Variants in ZSCAN1 observed in about 807,000 individuals in gnomAD.
ZSCAN1 encodes zinc finger and SCAN domain containing 1.
A neutral mutation model predicts 23.8 loss-of-function variants in ZSCAN1; 23 were observed. The observed-to-expected ratio is 0.97, with a 90% CI of 0.70 to 1.37. The LOEUF (loss-of-function observed/expected upper bound fraction) is 1.37. Among genes scored for constraint, ZSCAN1 ranks in the 40% most tolerant of loss-of-function variants. The probability of loss-of-function intolerance (pLI) is 0.00; values close to 1 mark genes in which losing one functional copy is unlikely to be tolerated. For missense variants in ZSCAN1, 575 were observed against 554.0 expected, an observed-to-expected ratio of 1.04 and a Z score of -0.38; for synonymous variants, 236 against 232.3, an observed-to-expected ratio of 1.02 and a Z score of -0.15.
chr19:58,045,354 C>A lies in ZSCAN1; in HGVS notation c.465+4810C>A. On this transcript the variant is annotated intron_variant, in intron 4 of 5. Transcript: ENST00000282326. The surrounding 1 kb of genome is among the most constrained non-coding windows in gnomAD (Gnocchi z 4.3). ...GAGGCTGAAGGAGCTTCAGGTCAAG[C>A]TGGAGCTAGCCGAGTTCCTCCAGGA... 1 of 816,148 alleles carries A rather than the reference C, an allele frequency of 1.2e-6. No homozygotes were observed. Among genetic ancestry groups the A allele is most frequent in the Non-Finnish European group, 2.2e-6 (1 of 450,874 alleles). 50.6% of individuals were successfully genotyped at this position (816,148 alleles called of 1,614,324 possible). A position where few individuals can be genotyped will look rare whatever the true frequency, so the allele number is the denominator to read the frequency against.
At chr19:58,044,483 C>A in intron 4 of ZSCAN1, 1 of 379,674 alleles carries the variant, frequency 2.6e-6, no homozygotes, top group Admixed American at 4.9e-5. Context: ...ACCGTCCGCA[C>A]GGACGGCGCC....
At chr19:58,041,408 AAC>A (rs2073788702) in intron 4 of ZSCAN1, among the ~76,000 whole-genome samples, 1 of 152,182 alleles carries the variant, frequency 6.6e-6, no homozygotes. Context: ...CACATTGGGA[AAC>A]AGAGACCTCC....
chr19:58,046,011 G>A (rs2073822849), intron 4 of ZSCAN1: 1 of 704,254 alleles, frequency 1.4e-6, no homozygotes, highest in Non-Finnish European at 2.6e-6. Context: ...ACCGCGAGAA[G>A]GAGCTGCAGA....
intron 4 of ZSCAN1, chr19:58,046,271 AGCT>A: frequency 1.3e-6 from 1 of 782,980 alleles, no homozygotes; most frequent in Non-Finnish European, 2.4e-6. Flanking sequence ...GAGGAGCTGG[AGCT>A]GCTGAAGGAG....
rs371328349 is a variant in ZSCAN1 at position 58,054,064 on chromosome 19, G to A, written c.*13G>A. 43 of 1,482,356 alleles carry A rather than the reference G, an allele frequency of 2.9e-5. No individual in the cohort carries two copies. The African/African-American group carries it at 5.5e-4, about 19-fold the overall frequency. The allele number at this position is 1,482,356 out of a possible 1,614,324, so 91.8% of individuals were successfully genotyped here. A position where few individuals can be genotyped will look rare whatever the true frequency, so the allele number is the denominator to read the frequency against. On this transcript the variant is annotated 3_prime_UTR_variant, in exon 6 of 6. Transcript: ENST00000282326. This position sits in a 1 kb window ranked among gnomAD's most constrained non-coding sequence, Gnocchi z 4.2. ...CGGCCACATGTGAATGGCCAGCCTC[G>A]GGCCTCGGCCACCCGGCCCTGAGTC...
intron 4 of ZSCAN1, chr19:58,046,145 C>T: frequency 1.4e-6 from 1 of 716,926 alleles, no homozygotes; most frequent in Non-Finnish European, 2.6e-6. Context: ...ATGAAGGACA[C>T]TGCCCCCGTG....
At chr19:58,044,601 T>C (rs1443428226) in intron 4 of ZSCAN1, 1 of 1,017,982 alleles carries the variant, frequency 9.8e-7, no homozygotes, top group Non-Finnish European at 1.5e-6. Context: ...GCGTCCATCT[T>C]AATGAGGAGC....
rs574436368 is a variant in ZSCAN1 at position 58,039,133 on chromosome 19, G to A, written c.370+927G>A. Among the ~76,000 whole-genome samples the A allele has an allele frequency of 6.6e-5, 10 of 152,334 alleles. No homozygotes were observed. The South Asian group carries it at 1.4e-3, about 22-fold the overall frequency. The stretch of plus-strand genomic sequence containing the variant: ...GTCCCCTTACTGCCCCAGGGCAGCC[G>A]GTGCCACACTTAGGAAAGCTGTGAC... On this transcript the variant is annotated intron_variant, in intron 3 of 5. Transcript: ENST00000282326.
chr19:58,041,029 T>G (rs1225318607), intron 4 of ZSCAN1, among the ~76,000 whole-genome samples: 2 of 152,066 alleles, frequency 1.3e-5, no homozygotes, highest in African/African-American at 2.4e-5. Flanking sequence ...TCTGTGTGGC[T>G]GGAGAGATTA....
intron 4 of ZSCAN1, chr19:58,046,720 GGGTGGAGAAGGAGAA>G (rs1417793567): frequency 1.7e-5 from 14 of 804,870 alleles, no homozygotes; most frequent in Middle Eastern, 2.2e-4. Context: ...AGAGGAGAAA[GGGTGGAGAAGGAGAA>G]GGTGGAGAAG....
chr19:58,036,548 C>G (rs1335023813), intron 2 of ZSCAN1, among the ~76,000 whole-genome samples: 1 of 122,136 alleles, frequency 8.2e-6, no homozygotes, highest in Non-Finnish European at 1.6e-5. Flanking sequence ...CAGAGTCTTA[C>G]TCTGTCGCTC....
At chr19:58,044,672 A>C in intron 4 of ZSCAN1, 1 of 805,832 alleles carries the variant, frequency 1.2e-6, no homozygotes, top group East Asian at 2.8e-5. Context: ...CCCGCGGGGT[A>C]GTCCGGGGGA....
chr19:58,035,017 T>C (rs886369852), intron 1 of ZSCAN1, among the ~76,000 whole-genome samples: 1 of 151,788 alleles, frequency 6.6e-6, no homozygotes, highest in African/African-American at 2.4e-5. Context: ...GCAATAGAAT[T>C]TGGGGCTCGG....
chr19:58,050,070 G>T (rs999871551), intron 4 of ZSCAN1, among the ~76,000 whole-genome samples: 1 of 151,234 alleles, frequency 6.6e-6, no homozygotes, highest in African/African-American at 2.4e-5. Context: ...CCATCTTGGT[G>T]ATGTCGCTCC....
rs1435759578 is a variant in ZSCAN1 at position 58,040,586 on chromosome 19, G to T, written c.465+42G>T. On this transcript the variant is annotated intron_variant, in intron 4 of 5. Transcript: ENST00000282326. This position sits in a 1 kb window ranked among gnomAD's most constrained non-coding sequence, Gnocchi z 5.8. Reference sequence around the variant, plus strand: ...CAGCTCCGTGCTCCTGCACCCCAGGGCATGCGTGCCGCTTCTGGGACGGCC... The same window carrying T: ...CAGCTCCGTGCTCCTGCACCCCAGGTCATGCGTGCCGCTTCTGGGACGGCC... The T allele has an allele frequency of 6.3e-7, 1 of 1,592,882 alleles. No individual in the cohort carries two copies. The highest frequency in any genetic ancestry group is 1.7e-5 in the Admixed American group (1 of 59,958).
At position 58,037,817 on chromosome 19, in the gene ZSCAN1, G is replaced by A. The variant is rs1432432463; in HGVS notation, c.-20G>A. 4.8e-6 allele frequency: 7 copies of A among 1,460,188 alleles called. No individual in the cohort carries two copies. The South Asian group carries it at 9.7e-5, about 20-fold the overall frequency. 90.5% of individuals were successfully genotyped at this position (1,460,188 alleles called of 1,614,324 possible). A position where few individuals can be genotyped will look rare whatever the true frequency, so the allele number is the denominator to read the frequency against. On this transcript the variant is annotated 5_prime_UTR_variant, in exon 3 of 6. Coordinates refer to ENST00000282326, the MANE Select transcript of ZSCAN1 (RefSeq NM_182572.4). Reference sequence around the variant, plus strand: ...ATCCAGTCCACACACACCCCTCAGAGGGGCACTGTGGCCAGAGAAATGCTT... The same window carrying A: ...ATCCAGTCCACACACACCCCTCAGAAGGGCACTGTGGCCAGAGAAATGCTT...
In ZSCAN1 at chr19:58,047,092, C is replaced by CTGTG. The variant is rs1357919449; in HGVS notation, c.466-5397_466-5394dup. On this transcript the variant is annotated intron_variant, in intron 4 of 5. Coordinates refer to ENST00000282326, the MANE Select transcript of ZSCAN1 (RefSeq NM_182572.4). The surrounding 1 kb of genome is among the most constrained non-coding windows in gnomAD (Gnocchi z 4.9). Reference sequence around the variant, plus strand: ...CGTCTCAGTGTCTGACTGTGCTGCCCTGTGCCCAGGGAGGAGAATGAGGAC... The same window carrying CTGTG: ...CGTCTCAGTGTCTGACTGTGCTGCCCTGTGTGTGCCCAGGGAGGAGAATGAGGAC... Among the ~76,000 whole-genome samples the CTGTG allele has an allele frequency of 1.3e-5, 2 of 152,200 alleles. No individual in the cohort carries two copies. Among genetic ancestry groups the CTGTG allele is most frequent in the African/African-American group, 4.8e-5 (2 of 41,454 alleles).
In ZSCAN1 at chr19:58,054,175, GACACAAGC is replaced by G. The variant is rs1015353265; in HGVS notation, c.*125_*132del. 5 of 1,292,606 alleles carry G rather than the reference GACACAAGC, an allele frequency of 3.9e-6. No homozygotes were observed. In the African/African-American group the frequency reaches 7.5e-5, roughly 19 times the overall value. The allele number at this position is 1,292,606 out of a possible 1,614,324, so 80.1% of individuals were successfully genotyped here. The stretch of plus-strand genomic sequence containing the variant: ...GGCCACCTTGGGACTCCTCTTGAAG[GACACAAGC>G]TGTTTCTCGGAAGACCCTGGACACC... On this transcript the variant is annotated 3_prime_UTR_variant, in exon 6 of 6. Transcript: ENST00000282326. The surrounding 1 kb of genome is among the most constrained non-coding windows in gnomAD (Gnocchi z 4.2).
At chr19:58,038,342 G>A (rs1390249175) in intron 3 of ZSCAN1, 136 bp downstream of exon 3, 17 of 1,060,214 alleles carry the variant, frequency 1.6e-5, no homozygotes, top group East Asian at 3.2e-5. Context: ...CTCCTGCCCC[G>A]CGGCTGTGTT....
Sources: allele counts gnomAD v4.1 joint callset (sites outside exome capture counted in the v4.1 genomes callset), GRCh38; gene constraint gnomAD v4.1.1; non-coding constraint Gnocchi (gnomAD v3.1); transcripts MANE v1.5; gene names NCBI Gene and HGNC (gene_info 2026-07-23, HGNC 2026-07-21).